Variants in OCA2 observed in about 807,000 individuals in gnomAD.
OCA2 encodes the protein OCA2 melanosomal transmembrane protein, also known as P protein.
Under a neutral mutation model 100.2 loss-of-function variants are expected in OCA2, and 77 were observed. That is an observed-to-expected ratio of 0.77 (90% CI 0.64 to 0.93). The LOEUF (loss-of-function observed/expected upper bound fraction) is 0.93, where lower values mean the gene tolerates loss of function less well. Ranked by LOEUF, OCA2 falls within the 40% of genes least tolerant of loss-of-function variation. The pLI, the probability that OCA2 is intolerant of heterozygous loss-of-function variation, is 0.00. For missense variants in OCA2, 1,062 were observed against 1,089.1 expected, an observed-to-expected ratio of 0.98 and a Z score of 0.35; for synonymous variants, 432 against 439.2, an observed-to-expected ratio of 0.98 and a Z score of 0.21.
chr15:27,944,738 G>A (rs532108417), intron 18 of OCA2, among the ~76,000 whole-genome samples: 107 of 152,024 alleles, frequency 7.0e-4, no homozygotes, highest in Non-Finnish European at 1.6e-4. Flanking sequence ...CACCCTCCCC[G>A]CCATTCTTCC....
chr15:27,948,773 A>C (rs2039930660), intron 18 of OCA2, among the ~76,000 whole-genome samples: 1 of 152,108 alleles, frequency 6.6e-6, no homozygotes, highest in African/African-American at 2.4e-5. Flanking sequence ...GCCAAACATG[A>C]ACCATTGATG....
chr15:27,770,419 G>A (rs569175093), intron 23 of OCA2, among the ~76,000 whole-genome samples: 2 of 152,338 alleles, frequency 1.3e-5, no homozygotes, highest in East Asian at 3.9e-4. Flanking sequence ...CGGCAGAAGA[G>A]GCTCATTGCC....
At chr15:27,901,655 G>C (rs1044713170) in intron 19 of OCA2, among the ~76,000 whole-genome samples, 1 of 152,208 alleles carries the variant, frequency 6.6e-6, no homozygotes, top group Non-Finnish European at 1.5e-5. Flanking sequence ...TTACATGACT[G>C]TTTCAAGAGG....
At chr15:28,054,270 T>C (rs6497256) in intron 2 of OCA2, among the ~76,000 whole-genome samples, 67,281 of 152,140 alleles carry the variant, frequency 0.44, 21,143 homozygotes, top group East Asian at 0.89. Context: ...ATGCATATAA[T>C]CATGTGTGCA....
chr15:27,747,286 A>G, the OCA2 span, among the ~76,000 whole-genome samples: 1 of 152,230 alleles, frequency 6.6e-6, no homozygotes, highest in Non-Finnish European at 1.5e-5. Context: ...TATATACAGC[A>G]CAACAAATGT....
intron 2 of OCA2, among the ~76,000 whole-genome samples, chr15:28,069,277 A>G (rs2044119903): frequency 6.6e-6 from 1 of 151,676 alleles, no homozygotes; most frequent in African/African-American, 2.4e-5. Context: ...GCATTTCTAT[A>G]CAACAATAAA....
chr15:27,821,578 G>C (rs956854273), intron 23 of OCA2, among the ~76,000 whole-genome samples: 2 of 151,658 alleles, frequency 1.3e-5, no homozygotes, highest in African/African-American at 4.9e-5. Context: ...CAATCATGCA[G>C]ACATGGGCCA....
intron 23 of OCA2, among the ~76,000 whole-genome samples, chr15:27,787,781 T>C (rs1476068372): frequency 6.6e-6 from 1 of 151,992 alleles, no homozygotes; most frequent in Admixed American, 6.6e-5. Flanking sequence ...TTTAATTTAG[T>C]TTGCTCTTCT....
At chr15:27,913,851 GA>G (rs1226307539) in intron 19 of OCA2, among the ~76,000 whole-genome samples, 9 of 30,452 alleles carry the variant, frequency 3.0e-4, no homozygotes, top group African/African-American at 1.4e-3. Context: ...AAGAAAGAAA[GA>G]AAGAAAGAAA....
intron 2 of OCA2, among the ~76,000 whole-genome samples, chr15:28,073,976 G>T (rs2141825882): frequency 6.7e-6 from 1 of 148,614 alleles, no homozygotes; most frequent in Middle Eastern, 3.4e-3. Context: ...GTTACATAAA[G>T]CTACCCAAGT....
rs189187131 is a variant in OCA2 at position 28,005,061 on chromosome 15, T to A, written c.1044+9715A>T. On this transcript the variant is annotated intron_variant, in intron 9 of 23. Transcript: ENST00000354638. ...ACTGTGTGCCGGCCTCGCCTCGCAC[T>A]GCCCCTGCGAGCTGGACCGTGGTGT... Among the ~76,000 whole-genome samples the A allele has an allele frequency of 3.6e-3, 543 of 152,286 alleles. 5 individuals are homozygous for A. Among genetic ancestry groups the A allele is most frequent in the African/African-American group, 0.012 (510 of 41,558 alleles).
At chr15:28,072,760 A>C (rs541525621) in intron 2 of OCA2, among the ~76,000 whole-genome samples, 15 of 152,294 alleles carry the variant, frequency 9.8e-5, no homozygotes, top group Admixed American at 2.0e-4. Flanking sequence ...ACCATCTCAC[A>C]CCAGTCAGAA....
chr15:27,866,268 A>C (rs2036318852), intron 21 of OCA2, among the ~76,000 whole-genome samples: 1 of 152,176 alleles, frequency 6.6e-6, no homozygotes, highest in South Asian at 2.1e-4. Context: ...AAAGAACAGC[A>C]CTGTCAAAGG....
intron 14 of OCA2, among the ~76,000 whole-genome samples, chr15:27,973,656 C>T (rs943234831): frequency 1.4e-4 from 21 of 152,004 alleles, no homozygotes; most frequent in Admixed American, 2.0e-4. Flanking sequence ...ATTGCTTTGG[C>T]GGCTATTCAG....
At chr15:27,987,206 T>C (rs2041384137) in intron 11 of OCA2, among the ~76,000 whole-genome samples, 1 of 152,198 alleles carries the variant, frequency 6.6e-6, no homozygotes, top group Admixed American at 6.5e-5. Flanking sequence ...ATCACCTGTT[T>C]CTTTCCAGTG....
intron 23 of OCA2, chr15:27,776,598 T>A (rs2151070216): frequency 6.6e-6 from 1 of 152,454 alleles, no homozygotes; most frequent in Non-Finnish European, 1.5e-5. Context: ...CAGGCAGGGA[T>A]GGAGGCAGGC....
At chr15:27,886,760 G>A (rs926836765) in intron 19 of OCA2, among the ~76,000 whole-genome samples, 4 of 152,132 alleles carry the variant, frequency 2.6e-5, no homozygotes, top group Non-Finnish European at 5.9e-5. Context: ...TTCCAGTCCA[G>A]ACAAAATGAT....
intron 2 of OCA2, among the ~76,000 whole-genome samples, chr15:28,070,357 T>G (rs1461443487): frequency 2.7e-4 from 28 of 102,624 alleles, no homozygotes; most frequent in Admixed American, 7.2e-4. Context: ...GTCCGGGAGG[T>G]GAGGGGCACC....
In OCA2 at chr15:27,990,603, T is replaced by C. The variant is rs776672849; in HGVS notation, c.1089A>G (p.Ala363=). 1.2e-6 allele frequency: 2 copies of C among 1,614,086 alleles called. No homozygotes were observed. The highest frequency in any genetic ancestry group is 2.2e-5 in the East Asian group (1 of 44,880). ...TLAAMLGSLA[A]LAALAVIGDR... ...CGCCAATCACAGCCAGTGCTGCCAG[T>C]GCTGCAAGGGAACCCAGCATGGCCG... The change falls in exon 10 of 24, where the codon GCA becomes GCG. Residue 363 remains alanine, a synonymous_variant. Transcript: ENST00000354638.
Sources: gnomAD v4.1 joint callset for allele counts (sites outside exome capture counted in the v4.1 genomes callset) on GRCh38, gnomAD v4.1.1 for gene constraint, MANE v1.5 for transcripts, NCBI Gene and HGNC (gene_info 2026-07-23, HGNC 2026-07-21) for gene names.